Variants in TBX21 observed in about 807,000 individuals in gnomAD.
The protein encoded by TBX21 is T-box transcription factor TBX21.
TBX21 carries 11 observed loss-of-function variants against 52.2 expected under a neutral mutation model. That is an observed-to-expected ratio of 0.21 (90% CI 0.13 to 0.35). The LOEUF is 0.35. Ranked by LOEUF, TBX21 falls within the 10% of genes least tolerant of loss-of-function variation. TBX21 has a pLI of 1.00. For missense variants in TBX21, 625 were observed against 755.1 expected (o/e 0.83, Z 2.02); for synonymous variants, 300 against 316.1 (o/e 0.95, Z 0.54).
intron 1 of TBX21, among the ~76,000 whole-genome samples, chr17:47,737,172 C>G (rs1477527897): frequency 6.6e-6 from 1 of 152,130 alleles, no homozygotes; most frequent in African/African-American, 2.4e-5. Context: ...TTGGGGCAGC[C>G]TGATAATGCC....
chr17:47,734,575 G>A (rs2032182828), intron 1 of TBX21, among the ~76,000 whole-genome samples: 1 of 127,012 alleles, frequency 7.9e-6, no homozygotes, highest in African/African-American at 3.0e-5. Context: ...GTGTGTGTGT[G>A]TGTGTGTGTG....
At chr17:47,738,024 A>G (rs1012873636) in intron 1 of TBX21, among the ~76,000 whole-genome samples, 1 of 147,642 alleles carries the variant, frequency 6.8e-6, no homozygotes, top group Admixed American at 6.7e-5. Flanking sequence ...ATCTCAAGCA[A>G]TCTCCCGCCT....
In TBX21 at chr17:47,742,612, G is replaced by A; in HGVS notation, c.494G>A (p.Arg165Gln). 2 of 1,600,362 alleles carry A rather than the reference G, an allele frequency of 1.2e-6. No individual in the cohort carries two copies. Among genetic ancestry groups the A allele is most frequent in the Non-Finnish European group, 1.7e-6 (2 of 1,172,336 alleles). The change falls in exon 2 of 6, where the codon CGG becomes CAG. Residue 165 changes from arginine to glutamine, a missense_variant and splice_region_variant. Physicochemically the swap from Arg to Gln is conservative, Grantham distance 43. Coordinates refer to ENST00000177694, the MANE Select transcript of TBX21 (RefSeq NM_013351.2). The surrounding 1 kb of genome is among the most constrained non-coding windows in gnomAD (Gnocchi z 4.4). ...GGGGCTTTCTCTCTTCTCTCCAGGC[G>A]GATGTTCCCATTCCTGTCATTTACT... ...TEMIITKQGR[R>Q]MFPFLSFTVA... is the part of the protein sequence containing the mutation.
In TBX21 at chr17:47,733,995, AG is replaced by A; in HGVS notation, c.491+51del. 1 of 1,610,744 alleles carries A rather than the reference AG, an allele frequency of 6.2e-7. No individual in the cohort carries two copies. The highest frequency in any genetic ancestry group is 2.2e-5 in the East Asian group (1 of 44,730). On this transcript the variant is annotated intron_variant, in intron 1 of 5. Coordinates refer to ENST00000177694, the MANE Select transcript of TBX21 (RefSeq NM_013351.2). The surrounding 1 kb of genome is among the most constrained non-coding windows in gnomAD (Gnocchi z 6.6). Reference sequence around the variant, plus strand: ...GGGCCTCTGTGCCCGCGCCGGAACAAGAACGTCTCGTCTGTTTTTCTGGCTC... The same window carrying A: ...GGGCCTCTGTGCCCGCGCCGGAACAAAACGTCTCGTCTGTTTTTCTGGCTC...
At chr17:47,743,279 A>T (rs912027693) in intron 3 of TBX21, 87 bp downstream of exon 3, 11 of 1,524,836 alleles carry the variant, frequency 7.2e-6, no homozygotes, top group Non-Finnish European at 9.7e-6. Context: ...CTGCGGGGCC[A>T]GTTTGGTTCA....
In TBX21 at chr17:47,733,796, C is replaced by T. The variant is rs200338233; in HGVS notation, c.342C>T (p.Arg114=). ...PGEGYAAPDP[R]AGLYPGPRED... Reference sequence around the variant, plus strand: ...AGGGCTACGCCGCCCCGGACCCGCGCGCCGGGCTCTACCCGGGGCCGCGTG... The same window carrying T: ...AGGGCTACGCCGCCCCGGACCCGCGTGCCGGGCTCTACCCGGGGCCGCGTG... The change falls in exon 1 of 6, where the codon CGC becomes CGT. Residue 114 remains arginine (R), a synonymous_variant. Transcript: ENST00000177694. The surrounding 1 kb of genome is among the most constrained non-coding windows in gnomAD (Gnocchi z 6.6). 3.2e-6 allele frequency: 5 copies of T among 1,570,164 alleles called. No individual in the cohort carries two copies. The highest frequency in any genetic ancestry group is 4.3e-6 in the Non-Finnish European group (5 of 1,159,552).
rs922073804 is a variant in TBX21, at chr17:47,742,857, C to A, written c.646+93C>A. 3.4e-6 allele frequency: 5 copies of A among 1,471,384 alleles called. No individual in the cohort carries two copies. Among genetic ancestry groups the A allele is most frequent in the Non-Finnish European group, 4.5e-6 (5 of 1,110,598 alleles). The allele number at this position is 1,471,384 out of a possible 1,614,324, so 91.1% of individuals were successfully genotyped here. ...AAGCCCCTACCCCTAATTCCTAGAC[C>A]TTTAACCCCCTCCCACTCCATCCCA... On this transcript the variant is annotated intron_variant, in intron 2 of 5. Coordinates refer to ENST00000177694, the MANE Select transcript of TBX21 (RefSeq NM_013351.2). The surrounding 1 kb of genome is among the most constrained non-coding windows in gnomAD (Gnocchi z 4.4).
chr17:47,733,303 G>A lies in TBX21; in HGVS notation c.-152G>A. ...GCGCCTGCCGGACGAGGGCGTAGAA[G>A]CCAGGCGTCAGAGCCCGGGCTCCGG... On this transcript the variant is annotated 5_prime_UTR_variant, in exon 1 of 6. Coordinates refer to ENST00000177694, the MANE Select transcript of TBX21 (RefSeq NM_013351.2). This position sits in a 1 kb window ranked among gnomAD's most constrained non-coding sequence, Gnocchi z 6.6. The A allele has an allele frequency of 9.0e-7, 1 of 1,110,152 alleles. No individual in the cohort carries two copies. Among genetic ancestry groups the A allele is most frequent in the East Asian group, 3.3e-5 (1 of 30,614 alleles). 68.8% of individuals were successfully genotyped at this position (1,110,152 alleles called of 1,614,324 possible).
rs1449640782 is a variant in TBX21, at chr17:47,742,166, T to A, written c.492-444T>A. 6.6e-6 allele frequency among the ~76,000 whole-genome samples: 1 copy of A among 151,232 alleles called. No individual in the cohort carries two copies. Among genetic ancestry groups the A allele is most frequent in the East Asian group, 1.9e-4 (1 of 5,158 alleles). On this transcript the variant is annotated intron_variant, in intron 1 of 5. Transcript: ENST00000177694. The surrounding 1 kb of genome is among the most constrained non-coding windows in gnomAD (Gnocchi z 4.4). ...CTCACTGTAACCTCTGCCTCCTGGG[T>A]TCAAGCCATTCTCCTGCCTCAGCCT...
intron 5 of TBX21, 37 bp downstream of exon 5, chr17:47,744,580 C>T: frequency 6.2e-7 from 1 of 1,613,236 alleles, no homozygotes; most frequent in Non-Finnish European, 8.5e-7. Flanking sequence ...TTTGGTCCCT[C>T]CTGAGACACA....
At chr17:47,743,213 G>T (rs748889917) in intron 3 of TBX21, 21 bp downstream of exon 3, 7 of 1,613,152 alleles carry the variant, frequency 4.3e-6, no homozygotes, top group Non-Finnish European at 5.9e-6. Flanking sequence ...CTCTTCAAAA[G>T]GTAGCCTCGC....
chr17:47,744,590 A>G, intron 5 of TBX21, 47 bp downstream of exon 5: 3 of 1,611,902 alleles, frequency 1.9e-6, no homozygotes, highest in Non-Finnish European at 2.5e-6. Flanking sequence ...CCTGAGACAC[A>G]TCCTCTCCCT....
intron 3 of TBX21, 74 bp from the exon 4 acceptor site, chr17:47,744,121 A>C: frequency 6.4e-7 from 1 of 1,568,292 alleles, no homozygotes; most frequent in Non-Finnish European, 8.7e-7. Context: ...ACGTGGGGCC[A>C]GCTGTTGGTG....
In TBX21 at chr17:47,733,540, C is replaced by G; in HGVS notation, c.86C>G (p.Ala29Gly). 1 of 1,491,504 alleles carries G rather than the reference C, an allele frequency of 6.7e-7. No homozygotes were observed. The highest frequency in any genetic ancestry group is 1.3e-5 in the South Asian group (1 of 79,346). The allele number at this position is 1,491,504 out of a possible 1,614,324, so 92.4% of individuals were successfully genotyped here. A position where few individuals can be genotyped will look rare whatever the true frequency, so the allele number is the denominator to read the frequency against. ...AGCGACGAGGGCCGGGCGCCTGGCG[C>G]CGACCCGCAGCACCGCTACTTCTAC... ...PGSDEGRAPG[A>G]DPQHRYFYPE... Residue 29 changes from alanine (A) to glycine (G), a missense_variant, in exon 1 of 6, where the codon GCC (alanine) becomes GGC (glycine). By Grantham distance (60) the Ala-to-Gly change is moderately conservative. Transcript: ENST00000177694. The surrounding 1 kb of genome is among the most constrained non-coding windows in gnomAD (Gnocchi z 6.6).
At position 47,733,371 on chromosome 17, in the gene TBX21, C is replaced by T; in HGVS notation, c.-84C>T. ...CCCTCGGGTCCCCCGCCCCCTGCTC[C>T]CTGCCCATCCCAGCCCACGCGACCC... On this transcript the variant is annotated 5_prime_UTR_variant, in exon 1 of 6. Coordinates refer to ENST00000177694, the MANE Select transcript of TBX21 (RefSeq NM_013351.2). This position sits in a 1 kb window ranked among gnomAD's most constrained non-coding sequence, Gnocchi z 6.6. The T allele has an allele frequency of 1.5e-6, 2 of 1,369,180 alleles. No individual in the cohort carries two copies. The highest frequency in any genetic ancestry group is 1.7e-5 in the South Asian group (1 of 60,446). 84.8% of individuals were successfully genotyped at this position (1,369,180 alleles called of 1,614,324 possible).
intron 1 of TBX21, among the ~76,000 whole-genome samples, chr17:47,737,708 C>G (rs2032221525): frequency 6.6e-6 from 1 of 151,988 alleles, no homozygotes; most frequent in Non-Finnish European, 1.5e-5. Flanking sequence ...TCACTGCAAC[C>G]TGCACCTCCC....
chr17:47,734,051 T>A, intron 1 of TBX21, 106 bp downstream of exon 1: 1 of 1,565,222 alleles, frequency 6.4e-7, no homozygotes, highest in Non-Finnish European at 8.7e-7. Flanking sequence ...TGTCCCTCAC[T>A]GCTTTGGCTT....
chr17:47,738,305 A>G (rs1206327985), intron 1 of TBX21, among the ~76,000 whole-genome samples: 1 of 151,956 alleles, frequency 6.6e-6, no homozygotes. Flanking sequence ...CTATAGGCGC[A>G]CATCACCATG....
Position 47,734,579 on chromosome 17 carries a change from G to C in TBX21, c.491+634G>C, listed in dbSNP as rs892724720. ...GGTGTGTGTGTGTGTGTGTGTGTGT[G>C]TGTGTGTGTGTGTGTGTGTGTGTGT... On this transcript the variant is annotated intron_variant, in intron 1 of 5. Transcript: ENST00000177694. Among the ~76,000 whole-genome samples the C allele has an allele frequency of 2.3e-5, 3 of 132,788 alleles. No homozygotes were observed. In the East Asian group the frequency reaches 6.4e-4, roughly 28 times the overall value. 87.1% of individuals were successfully genotyped at this position (132,788 alleles called of 152,430 possible). A position where few individuals can be genotyped will look rare whatever the true frequency, so the allele number is the denominator to read the frequency against.
Sources: gnomAD v4.1 joint callset for allele counts (sites outside exome capture counted in the v4.1 genomes callset) on GRCh38, gnomAD v4.1.1 for gene constraint, Gnocchi (gnomAD v3.1) non-coding constraint, MANE v1.5 for transcripts, NCBI Gene and HGNC (gene_info 2026-07-23, HGNC 2026-07-21) for gene names.